Variants in DPP10 observed in about 807,000 individuals in gnomAD.
DPP10 encodes the protein inactive dipeptidyl peptidase 10.
Under a neutral mutation model 120.9 loss-of-function variants are expected in DPP10, and 33 were observed. The ratio of observed to expected loss-of-function variants is 0.27; its 90% CI spans 0.21 to 0.37. DPP10 has a LOEUF of 0.37. Among genes scored for constraint, DPP10 ranks in the 10% least tolerant of loss-of-function variants. DPP10 has a pLI of 1.00. For synonymous variants in DPP10, 337 were observed against 326.1 expected (o/e 1.03, Z -0.36); for missense variants, 816 against 942.8 (o/e 0.87, Z 1.76).
chr2:114,734,418 A>G (rs1677219621), intron 1 of DPP10, among the ~76,000 whole-genome samples: 1 of 152,106 alleles, frequency 6.6e-6, no homozygotes, highest in African/African-American at 2.4e-5. Flanking sequence ...AACAAACTCA[A>G]CCAATTGTCC....
chr2:115,081,339 A>G (rs1223443540), intron 1 of DPP10, among the ~76,000 whole-genome samples: 1 of 152,154 alleles, frequency 6.6e-6, no homozygotes, highest in Non-Finnish European at 1.5e-5. Context: ...ATTAAACTCA[A>G]GATAATTGTT....
chr2:115,037,128 G>T (rs902860916), intron 1 of DPP10, among the ~76,000 whole-genome samples: 1 of 152,080 alleles, frequency 6.6e-6, no homozygotes, highest in African/African-American at 2.4e-5. Flanking sequence ...ATATGGAGGG[G>T]TATAATGACA....
intron 1 of DPP10, among the ~76,000 whole-genome samples, chr2:114,579,405 C>T (rs1380986472): frequency 1.3e-5 from 2 of 152,082 alleles, no homozygotes; most frequent in Non-Finnish European, 2.9e-5. Context: ...TAATGGTAAT[C>T]ATGGAAAGCC....
chr2:114,869,141 TA>T (rs961603117), intron 1 of DPP10, among the ~76,000 whole-genome samples: 2 of 152,086 alleles, frequency 1.3e-5, no homozygotes. Flanking sequence ...ATTTACAAAA[TA>T]AAAATATGCA....
At chr2:115,579,975 C>T (rs62156706) in intron 5 of DPP10, 1 of 151,936 alleles carries the variant, frequency 6.6e-6, no homozygotes, top group African/African-American at 2.4e-5. Flanking sequence ...CTCCCTCCCC[C>T]ACTCCACCCC....
In DPP10 at chr2:114,520,447, T is replaced by C. The variant is rs10221911; in HGVS notation, c.60+77609T>C. 6.3e-3 allele frequency among the ~76,000 whole-genome samples: 967 copies of C among 152,322 alleles called. 14 individuals carry two copies. Among genetic ancestry groups the C allele is most frequent in the African/African-American group, 0.022 (902 of 41,564 alleles). On this transcript the variant is annotated intron_variant, in intron 1 of 25. Transcript: ENST00000410059. ...GACTGCAAGAATGCCACCACTTTTG[T>C]CTGTAAAATTCATTACAAATTGACA...
intron 3 of DPP10, among the ~76,000 whole-genome samples, chr2:115,391,148 A>T (rs914929031): frequency 3.3e-5 from 5 of 152,208 alleles, no homozygotes; most frequent in South Asian, 2.1e-4. Context: ...CAAATGCATG[A>T]CTTATCAACA....
intron 1 of DPP10, among the ~76,000 whole-genome samples, chr2:114,764,284 C>CTTTTTTTTTTTTTTTTTCTT (rs201499611): frequency 7.9e-6 from 1 of 126,060 alleles, no homozygotes; most frequent in African/African-American, 2.9e-5. Flanking sequence ...CTTAAATTGC[C>CTTTTTTTTTTTTTTTTTCTT]TTTTTTTTTT....
intron 3 of DPP10, among the ~76,000 whole-genome samples, chr2:115,397,415 C>T (rs903293137): frequency 2.6e-5 from 4 of 152,056 alleles, no homozygotes; most frequent in Non-Finnish European, 5.9e-5. Context: ...ATATATTTTG[C>T]ATTTCTTAGA....
intron 5 of DPP10, among the ~76,000 whole-genome samples, chr2:115,644,646 G>A (rs1341866904): frequency 6.6e-6 from 1 of 151,820 alleles, no homozygotes; most frequent in Non-Finnish European, 1.5e-5. Context: ...TAGGCATGGT[G>A]GCGTGCACCA....
chr2:115,732,644 G>A (rs1410341861), intron 8 of DPP10, among the ~76,000 whole-genome samples: 5 of 151,974 alleles, frequency 3.3e-5, no homozygotes, highest in Admixed American at 3.3e-4. Context: ...TAAAAAGAAA[G>A]TTTACAGCTA....
intron 7 of DPP10, among the ~76,000 whole-genome samples, chr2:115,700,220 G>A (rs988366958): frequency 3.9e-5 from 6 of 152,092 alleles, no homozygotes; most frequent in African/African-American, 1.4e-4. Context: ...TCATCTCCCA[G>A]CAGGCCCCTC....
At chr2:115,658,109 C>T (rs7561475) in intron 5 of DPP10, among the ~76,000 whole-genome samples, 149,326 of 152,054 alleles carry the variant, frequency 0.98, 73,388 homozygotes, top group Middle Eastern at 1. Context: ...AATTCACCTG[C>T]CCTGGATTGC....
rs1266652668 is a variant in DPP10, at chr2:115,627,165, A to G, written c.442-62522A>G. ...AATACAAGAGATAAAAAGAAAGACAAAAATGGCAGTTCTTTTAAAAAAGAA... is the reference window on the plus strand; with the variant it reads ...AATACAAGAGATAAAAAGAAAGACAGAAATGGCAGTTCTTTTAAAAAAGAA... On this transcript the variant is annotated intron_variant, in intron 5 of 25. Transcript: ENST00000410059. Among the ~76,000 whole-genome samples, 3 of 152,220 alleles carry G rather than the reference A, an allele frequency of 2.0e-5. No individual in the cohort carries two copies. In the East Asian group the frequency reaches 5.8e-4, roughly 29 times the overall value.
chr2:115,003,789 A>T (rs1162712372), intron 1 of DPP10, among the ~76,000 whole-genome samples: 2 of 152,156 alleles, frequency 1.3e-5, no homozygotes, highest in Admixed American at 1.3e-4. Flanking sequence ...CTTAAATTGT[A>T]AAAGCAATCT....
chr2:114,947,953 C>T (rs1351333208), intron 1 of DPP10, among the ~76,000 whole-genome samples: 1 of 151,976 alleles, frequency 6.6e-6, no homozygotes, highest in African/African-American at 2.4e-5. Flanking sequence ...TACTCTGAAT[C>T]ATTTTAATCT....
chr2:114,662,475 G>T (rs928543782), intron 1 of DPP10, among the ~76,000 whole-genome samples: 2 of 152,142 alleles, frequency 1.3e-5, no homozygotes, highest in Non-Finnish European at 2.9e-5. Flanking sequence ...GTGAGACTTC[G>T]CGGGACGCAG....
At chr2:114,712,226 A>G (rs953747530) in intron 1 of DPP10, among the ~76,000 whole-genome samples, 8 of 152,202 alleles carry the variant, frequency 5.3e-5, no homozygotes, top group African/African-American at 1.9e-4. Context: ...AGGCCAAGGC[A>G]TGAGAATTGC....
chr2:115,000,293 G>A (rs77245631), intron 1 of DPP10, among the ~76,000 whole-genome samples: 2,492 of 151,930 alleles, frequency 0.016, 64 homozygotes, highest in African/African-American at 0.058. Context: ...TGAACACCTA[G>A]GATTGCCATA....
Sources: allele counts gnomAD v4.1 joint callset (sites outside exome capture counted in the v4.1 genomes callset), GRCh38; gene constraint gnomAD v4.1.1; transcripts MANE v1.5; gene names NCBI Gene and HGNC (gene_info 2026-07-23, HGNC 2026-07-21).